The following NXPH2 variants were observed in gnomAD, a reference collection of about 807,000 sequenced individuals.
The protein encoded by NXPH2 is neurexophilin-2.
A neutral mutation model predicts 19.8 loss-of-function variants in NXPH2; 5 were observed. That is an observed-to-expected ratio of 0.25 (90% CI 0.13 to 0.53). The LOEUF (loss-of-function observed/expected upper bound fraction) is 0.53, where lower values mean the gene tolerates loss of function less well. Ranked by LOEUF, NXPH2 falls within the 20% of genes least tolerant of loss-of-function variation. NXPH2 has a pLI of 0.96. For missense variants in NXPH2, 289 were observed against 322.8 expected, an observed-to-expected ratio of 0.90 and a Z score of 0.80; for synonymous variants, 154 against 127.4, an observed-to-expected ratio of 1.21 and a Z score of -1.41.
intron 1 of NXPH2, among the ~76,000 whole-genome samples, chr2:138,707,979 T>C (rs1681042982): frequency 6.6e-6 from 1 of 152,170 alleles, no homozygotes; most frequent in Admixed American, 6.5e-5. Context: ...TTACTACAGA[T>C]ACTCCCTCCA....
At chr2:138,705,013 G>T (rs933879686) in intron 1 of NXPH2, among the ~76,000 whole-genome samples, 4 of 152,030 alleles carry the variant, frequency 2.6e-5, no homozygotes, top group Non-Finnish European at 5.9e-5. Context: ...TTTTAGTAGA[G>T]ACAGGGTTTC....
intron 1 of NXPH2, among the ~76,000 whole-genome samples, chr2:138,770,970 T>G (rs1300984960): frequency 2.0e-5 from 3 of 152,042 alleles, no homozygotes; most frequent in Non-Finnish European, 4.4e-5. Context: ...CTTTAATAGA[T>G]TGTCAAAAAT....
In NXPH2 at chr2:138,687,794, G is replaced by C. The variant is rs1421216082; in HGVS notation, c.52-16129C>G. ...TTCCCAGCACCATTTATTAAATAGGGAATCCTTTCCTTATTTCTTGTTTTT... is the reference window on the plus strand; with the variant it reads ...TTCCCAGCACCATTTATTAAATAGGCAATCCTTTCCTTATTTCTTGTTTTT... On this transcript the variant is annotated intron_variant, in intron 1 of 1. Transcript: ENST00000272641. 2.0e-5 allele frequency among the ~76,000 whole-genome samples: 3 copies of C among 152,258 alleles called. No homozygotes were observed. The East Asian group carries it at 5.8e-4, about 29-fold the overall frequency.
chr2:138,780,128 G>A, intron 1 of NXPH2, 63 bp downstream of exon 1: 2 of 1,437,358 alleles, frequency 1.4e-6, no homozygotes, highest in Non-Finnish European at 1.8e-6. Flanking sequence ...TCAGCCGCCT[G>A]CGCGGTTTTC....
intron 1 of NXPH2, among the ~76,000 whole-genome samples, chr2:138,710,931 T>C (rs1029546270): frequency 1.3e-5 from 2 of 152,122 alleles, no homozygotes; most frequent in Non-Finnish European, 2.9e-5. Flanking sequence ...CCACTCAGCA[T>C]CTGTGCTAAT....
At chr2:138,751,740 TTAAAG>T (rs1226015465) in intron 1 of NXPH2, among the ~76,000 whole-genome samples, 2 of 152,186 alleles carry the variant, frequency 1.3e-5, no homozygotes, top group African/African-American at 2.4e-5. Context: ...ACCTTTATGG[TTAAAG>T]TATTTATTTA....
intron 1 of NXPH2, among the ~76,000 whole-genome samples, chr2:138,725,929 C>T (rs1003284940): frequency 2.0e-5 from 3 of 152,168 alleles, no homozygotes; most frequent in Non-Finnish European, 4.4e-5. Flanking sequence ...GAATTTGTCT[C>T]TGTGCTGCAA....
At chr2:138,676,988 A>G (rs1340742273) in intron 1 of NXPH2, among the ~76,000 whole-genome samples, 7 of 152,174 alleles carry the variant, frequency 4.6e-5, no homozygotes, top group Non-Finnish European at 2.9e-5. Context: ...AATCTACTAC[A>G]TGAATCAGCA....
intron 1 of NXPH2, among the ~76,000 whole-genome samples, chr2:138,768,120 C>G (rs1459530169): frequency 6.6e-6 from 1 of 152,158 alleles, no homozygotes; most frequent in Non-Finnish European, 1.5e-5. Context: ...CTTTTTGACT[C>G]TCTGAGAATA....
At chr2:138,773,435 C>T (rs1477003181) in intron 1 of NXPH2, among the ~76,000 whole-genome samples, 2 of 152,054 alleles carry the variant, frequency 1.3e-5, no homozygotes, top group African/African-American at 4.8e-5. Context: ...GGTCCCTAGT[C>T]GTTTATTGTA....
At chr2:138,745,603 G>C (rs988696506) in intron 1 of NXPH2, among the ~76,000 whole-genome samples, 1 of 150,938 alleles carries the variant, frequency 6.6e-6, no homozygotes, top group Non-Finnish European at 1.5e-5. Context: ...AAACATGAAA[G>C]AGCATCAATA....
intron 1 of NXPH2, among the ~76,000 whole-genome samples, chr2:138,702,228 T>G (rs1680934956): frequency 6.6e-6 from 1 of 152,172 alleles, no homozygotes; most frequent in African/African-American, 2.4e-5. Context: ...ATGTTCCTCC[T>G]GCCTCAGCCT....
chr2:138,732,627 G>A (rs1681469453), intron 1 of NXPH2, among the ~76,000 whole-genome samples: 1 of 152,048 alleles, frequency 6.6e-6, no homozygotes, highest in East Asian at 1.9e-4. Context: ...TGTCACCTTG[G>A]CTTTACAAGA....
intron 1 of NXPH2, among the ~76,000 whole-genome samples, chr2:138,699,482 A>AAGAC (rs1573958536): frequency 6.6e-6 from 1 of 152,144 alleles, no homozygotes; most frequent in African/African-American, 2.4e-5. Context: ...GGGAGAAGGC[A>AAGAC]AGACATTTCC....
chr2:138,691,523 C>T (rs192948132), intron 1 of NXPH2, among the ~76,000 whole-genome samples: 6 of 152,280 alleles, frequency 3.9e-5, no homozygotes, highest in African/African-American at 1.4e-4. Context: ...TTTCTCTGTG[C>T]CTGAATGCTG....
intron 1 of NXPH2, among the ~76,000 whole-genome samples, chr2:138,733,978 C>T (rs761824370): frequency 6.6e-6 from 1 of 152,138 alleles, no homozygotes; most frequent in Non-Finnish European, 1.5e-5. Flanking sequence ...AGCATGGTGG[C>T]TCACACCTGT....
chr2:138,740,350 T>C (rs1480806319), intron 1 of NXPH2, among the ~76,000 whole-genome samples: 1 of 152,220 alleles, frequency 6.6e-6, no homozygotes, highest in African/African-American at 2.4e-5. Context: ...GAAATGGTGC[T>C]CTGTTTTTTC....
intron 1 of NXPH2, among the ~76,000 whole-genome samples, chr2:138,684,136 A>G (rs557715748): frequency 5.3e-5 from 8 of 152,156 alleles, no homozygotes; most frequent in Non-Finnish European, 8.8e-5. Context: ...TGATTCTTAC[A>G]TCTACTTTAT....
At chr2:138,761,711 T>A (rs1682021030) in intron 1 of NXPH2, among the ~76,000 whole-genome samples, 1 of 152,236 alleles carries the variant, frequency 6.6e-6, no homozygotes, top group Non-Finnish European at 1.5e-5. Flanking sequence ...AAAATAAAGT[T>A]GGGAAAGTGG....
Sources: gnomAD v4.1 joint callset for allele counts (sites outside exome capture counted in the v4.1 genomes callset) on GRCh38, gnomAD v4.1.1 for gene constraint, MANE v1.5 for transcripts, NCBI Gene and HGNC (gene_info 2026-07-23, HGNC 2026-07-21) for gene names.